The following ZC3H3 variants were observed in gnomAD, a reference collection of about 807,000 sequenced individuals.
The protein encoded by ZC3H3 is zinc finger CCCH domain-containing protein 3.
ZC3H3 carries 36 observed loss-of-function variants against 77.3 expected under a neutral mutation model. The ratio of observed to expected loss-of-function variants is 0.47; its 90% CI spans 0.36 to 0.61. ZC3H3 has a LOEUF of 0.61. ZC3H3 is among the 20% of genes least tolerant of loss of function. The pLI, the probability that ZC3H3 is intolerant of heterozygous loss-of-function variation, is 0.00. For synonymous variants in ZC3H3, 626 were observed against 555.2 expected (o/e 1.13, Z -1.79); for missense variants, 1,331 against 1,312.2 (o/e 1.01, Z -0.22).
At chr8:143,453,964 T>C (rs1270685917) in intron 9 of ZC3H3, among the ~76,000 whole-genome samples, 1 of 152,234 alleles carries the variant, frequency 6.6e-6, no homozygotes, top group Non-Finnish European at 1.5e-5. Context: ...AAAAGCTATA[T>C]AGTGGTCCTC....
intron 10 of ZC3H3, 100 bp from the exon 11 acceptor site, chr8:143,440,463 C>T (rs1819711061): frequency 6.9e-7 from 1 of 1,447,106 alleles, no homozygotes; most frequent in Non-Finnish European, 9.0e-7. Context: ...TCCCGTGGCC[C>T]TCCGTGGTCT....
At chr8:143,512,144 G>C (rs926817430) in intron 3 of ZC3H3, among the ~76,000 whole-genome samples, 2 of 152,230 alleles carry the variant, frequency 1.3e-5, no homozygotes, top group African/African-American at 4.8e-5. Context: ...CATGCAAGGA[G>C]AGCGAGCAGG....
At chr8:143,448,624 C>T (rs1483149772) in intron 9 of ZC3H3, among the ~76,000 whole-genome samples, 1 of 152,248 alleles carries the variant, frequency 6.6e-6, no homozygotes, top group Non-Finnish European at 1.5e-5. Context: ...TCAGCCCCCA[C>T]AGCTATTTTC....
intron 1 of ZC3H3, among the ~76,000 whole-genome samples, chr8:143,539,640 C>T (rs977419579): frequency 1.3e-4 from 20 of 152,212 alleles, no homozygotes; most frequent in African/African-American, 3.4e-4. Context: ...TTTGCTGAGA[C>T]GTGTCACTCA....
intron 9 of ZC3H3, among the ~76,000 whole-genome samples, chr8:143,456,583 G>A (rs947864008): frequency 1.4e-4 from 22 of 152,074 alleles, no homozygotes; most frequent in African/African-American, 3.4e-4. Context: ...AGAGTAAATC[G>A]ATCAAGAATG....
chr8:143,441,036 G>A lies in ZC3H3; in HGVS notation c.2392C>T (p.Arg798Cys), dbSNP rs1180527741. Residue 798 changes from arginine (R) to cysteine (C), a missense_variant, in exon 10 of 12, where the codon CGT (arginine) becomes TGT (cysteine). By Grantham distance (180) the Arg-to-Cys change is radical. Coordinates refer to ENST00000262577, the MANE Select transcript of ZC3H3 (RefSeq NM_015117.3). Reference protein sequence around the residue: ...PRGAQCQLLHRTQKRHSRRAA... With the variant: ...PRGAQCQLLHCTQKRHSRRAA... ...CGCCGACTGTGGCGTTTCTGGGTAC[G>A]GTGGAGCAGCTGGCACTGGGCGCCG... 13 of 1,488,176 alleles carry A rather than the reference G, an allele frequency of 8.7e-6. No individual in the cohort carries two copies. Among genetic ancestry groups the A allele is most frequent in the East Asian group, 5.4e-5 (2 of 36,968 alleles). The allele number at this position is 1,488,176 out of a possible 1,614,324, so 92.2% of individuals were successfully genotyped here. A position where few individuals can be genotyped will look rare whatever the true frequency, so the allele number is the denominator to read the frequency against.
At chr8:143,464,318 G>A (rs1480642424) in intron 9 of ZC3H3, among the ~76,000 whole-genome samples, 1 of 152,236 alleles carries the variant, frequency 6.6e-6, no homozygotes, top group Non-Finnish European at 1.5e-5. Flanking sequence ...GGCCTCCATG[G>A]GGATCCTGCC....
chr8:143,522,120 T>A (rs943063963), intron 3 of ZC3H3, among the ~76,000 whole-genome samples: 1 of 152,180 alleles, frequency 6.6e-6, no homozygotes, highest in Non-Finnish European at 1.5e-5. Flanking sequence ...CGGCCTTCCC[T>A]AGGGATCCAA....
chr8:143,511,039 A>G (rs549042247), intron 3 of ZC3H3, among the ~76,000 whole-genome samples: 119 of 152,362 alleles, frequency 7.8e-4, no homozygotes, highest in African/African-American at 2.8e-3. Flanking sequence ...GACAAACTAC[A>G]AAGAAACTGC....
At chr8:143,478,243 G>C (rs1444467443) in intron 4 of ZC3H3, among the ~76,000 whole-genome samples, 1 of 152,226 alleles carries the variant, frequency 6.6e-6, no homozygotes, top group African/African-American at 2.4e-5. Context: ...CATGGGGACA[G>C]GCCACCACCC....
At chr8:143,526,409 C>T (rs565449744) in intron 3 of ZC3H3, among the ~76,000 whole-genome samples, 15 of 152,366 alleles carry the variant, frequency 9.8e-5, no homozygotes, top group African/African-American at 3.6e-4. Flanking sequence ...TCTCCCAGTC[C>T]TGCTGCTGGT....
intron 4 of ZC3H3, among the ~76,000 whole-genome samples, chr8:143,500,977 C>CT (rs36081285): frequency 0.068 from 9,099 of 134,088 alleles, 417 homozygotes; most frequent in Non-Finnish European, 0.099. Context: ...CATGCCCGAC[C>CT]TTTTTTTTTT....
rs149322184 is a variant in ZC3H3 at position 143,460,470 on chromosome 8, G to A, written c.2307+5247C>T. ...GAACCCGTGCGCCGTTGCTGGGAAC[G>A]TAAAGTGGTTCAGCCACAACAGAAA... On this transcript the variant is annotated intron_variant, in intron 9 of 11. Transcript: ENST00000262577. This position sits in a 1 kb window ranked among gnomAD's most constrained non-coding sequence, Gnocchi z 4.0. 6.4e-4 allele frequency among the ~76,000 whole-genome samples: 98 copies of A among 152,256 alleles called. No individual in the cohort carries two copies. The highest frequency in any genetic ancestry group is 2.2e-3 in the African/African-American group (93 of 41,526).
intron 4 of ZC3H3, among the ~76,000 whole-genome samples, chr8:143,501,240 G>A (rs1282996750): frequency 1.3e-5 from 2 of 152,026 alleles, no homozygotes; most frequent in Non-Finnish European, 2.9e-5. Context: ...TTGATCTGTC[G>A]CCCAGACTGG....
intron 3 of ZC3H3, among the ~76,000 whole-genome samples, chr8:143,519,842 AC>A (rs2130461168): frequency 6.6e-6 from 1 of 152,080 alleles, no homozygotes; most frequent in East Asian, 1.9e-4. Context: ...GACGCAGGAC[AC>A]CCCCGCAGTC....
intron 3 of ZC3H3, chr8:143,523,570 G>A: frequency 4.1e-6 from 4 of 980,228 alleles, no homozygotes; most frequent in Non-Finnish European, 4.8e-6. Flanking sequence ...CCCAGAGGCA[G>A]TAGGAGACCA....
intron 5 of ZC3H3, among the ~76,000 whole-genome samples, chr8:143,469,435 G>C (rs1024519959): frequency 6.6e-6 from 1 of 152,252 alleles, no homozygotes; most frequent in Non-Finnish European, 1.5e-5. Flanking sequence ...TCTGGGGGAA[G>C]GGCACCTGTC....
chr8:143,439,087 G>A (rs1819656819), intron 11 of ZC3H3, among the ~76,000 whole-genome samples: 1 of 151,920 alleles, frequency 6.6e-6, no homozygotes. Context: ...TCTGGAACTG[G>A]CTGCTAGGTT....
intron 3 of ZC3H3, among the ~76,000 whole-genome samples, chr8:143,520,204 C>T (rs891857375): frequency 1.1e-4 from 17 of 152,248 alleles, no homozygotes; most frequent in Non-Finnish European, 2.2e-4. Context: ...GAGAAAGAGG[C>T]AGGTGGGGTC....
Sources: allele counts gnomAD v4.1 joint callset (sites outside exome capture counted in the v4.1 genomes callset), GRCh38; gene constraint gnomAD v4.1.1; non-coding constraint Gnocchi (gnomAD v3.1); transcripts MANE v1.5; gene names NCBI Gene and HGNC (gene_info 2026-07-23, HGNC 2026-07-21).